KCNQ2: variants seen among roughly 807,000 people sequenced by gnomAD.
KCNQ2 encodes potassium voltage-gated channel subfamily Q member 2.
In KCNQ2, 14 loss-of-function variants were observed where a neutral mutation model predicts 84.8. The ratio of observed to expected loss-of-function variants is 0.17; its 90% CI spans 0.11 to 0.26. KCNQ2 has a LOEUF of 0.26. Ranked by LOEUF, KCNQ2 falls within the 10% of genes least tolerant of loss-of-function variation. The probability of loss-of-function intolerance (pLI) is 1.00; values close to 1 mark genes in which losing one functional copy is unlikely to be tolerated. For missense variants in KCNQ2, 788 were observed against 1,254.0 expected (o/e 0.63, Z 5.61); for synonymous variants, 599 against 554.1 (o/e 1.08, Z -1.14).
chr20:63,424,358 C>A (rs926702634), intron 10 of KCNQ2, 152 bp from the exon 11 acceptor site: 3 of 876,804 alleles, frequency 3.4e-6, no homozygotes, highest in Non-Finnish European at 5.4e-6. Context: ...CTGGCCCACC[C>A]ACCCCAGAGA....
intron 10 of KCNQ2, among the ~76,000 whole-genome samples, chr20:63,426,214 G>A (rs1281562017): frequency 6.6e-6 from 1 of 152,164 alleles, no homozygotes; most frequent in African/African-American, 2.4e-5. Flanking sequence ...AAAACCTCTA[G>A]GGCCTCCTGA....
rs1362811817 is a variant in KCNQ2 at position 63,408,840 on chromosome 20, G to A, written c.1764-304C>T. Among the ~76,000 whole-genome samples the A allele has an allele frequency of 2.6e-5, 4 of 152,122 alleles. No individual in the cohort carries two copies. The highest frequency in any genetic ancestry group is 5.9e-5 in the Non-Finnish European group (4 of 68,010). Reference sequence around the variant, plus strand: ...GCCCGGCTCCTCTCCGTGGGCTCCCGGCTCCATACCGCCCCCTCCAGCCAG... The same window carrying A: ...GCCCGGCTCCTCTCCGTGGGCTCCCAGCTCCATACCGCCCCCTCCAGCCAG... On this transcript the variant is annotated intron_variant, in intron 15 of 16. Coordinates refer to ENST00000359125, the MANE Select transcript of KCNQ2 (RefSeq NM_172107.4). The surrounding 1 kb of genome is among the most constrained non-coding windows in gnomAD (Gnocchi z 5.0).
At chr20:63,451,687 C>G (rs2081619719) in intron 1 of KCNQ2, among the ~76,000 whole-genome samples, 1 of 152,128 alleles carries the variant, frequency 6.6e-6, no homozygotes, top group Admixed American at 6.5e-5. Context: ...GACGGACACC[C>G]CCACGGCTTC....
rs757300058 is a variant in KCNQ2 at position 63,414,912 on chromosome 20, T to G, written c.1516A>C (p.Asn506His). ...FRIKGAASRQ[N>H]SEEASLPGED... The stretch of plus-strand genomic sequence containing the variant: ...ATGCGGCCACACCCACCTTCTGAGT[T>G]CTGCCGTGACGCGGCACCCTTGATG... The change falls in exon 13 of 17, where the codon AAC becomes CAC. Residue 506 changes from asparagine (N) to histidine (H), a missense_variant. By Grantham distance (68) the Asn-to-His change is moderately conservative (BLOSUM62 1). Transcript: ENST00000359125. The surrounding 1 kb of genome is among the most constrained non-coding windows in gnomAD (Gnocchi z 6.6). 1 of 1,612,508 alleles carries G rather than the reference T, an allele frequency of 6.2e-7. No homozygotes were observed. The highest frequency in any genetic ancestry group is 8.5e-7 in the Non-Finnish European group (1 of 1,179,908).
chr20:63,432,267 C>T (rs1383151433), intron 8 of KCNQ2, among the ~76,000 whole-genome samples: 1 of 149,524 alleles, frequency 6.7e-6, no homozygotes, highest in Non-Finnish European at 1.5e-5. Flanking sequence ...AGGCCCCAGC[C>T]TCTGGGAAGT....
intron 1 of KCNQ2, among the ~76,000 whole-genome samples, chr20:63,464,668 G>A (rs1316796219): frequency 6.6e-6 from 1 of 152,148 alleles, no homozygotes; most frequent in Non-Finnish European, 1.5e-5. Context: ...ATGGCCCTGC[G>A]CCCCACACTC....
intron 9 of KCNQ2, among the ~76,000 whole-genome samples, chr20:63,430,359 G>A (rs1053327044): frequency 2.0e-5 from 3 of 152,162 alleles, no homozygotes; most frequent in Non-Finnish European, 4.4e-5. Context: ...CATGTCGGGG[G>A]CAGAGGAGCC....
chr20:63,411,642 TTC>T (rs3838007), intron 15 of KCNQ2: 139,449 of 482,420 alleles, frequency 0.29, 23,586 homozygotes, highest in Non-Finnish European at 0.36. Flanking sequence ...TTGTGGCTTT[TTC>T]AGGAACAGAG....
chr20:63,435,477 G>A (rs538786036), intron 7 of KCNQ2, among the ~76,000 whole-genome samples: 1 of 152,090 alleles, frequency 6.6e-6, no homozygotes, highest in Non-Finnish European at 1.5e-5. Flanking sequence ...AACTCTAACA[G>A]GTGAGGAGCA....
At chr20:63,417,066 C>T (rs1236102154) in intron 12 of KCNQ2, among the ~76,000 whole-genome samples, 1 of 152,182 alleles carries the variant, frequency 6.6e-6, no homozygotes, top group South Asian at 2.1e-4. Flanking sequence ...GGTACAGGCT[C>T]GCTCAGGACC....
chr20:63,446,738 G>A lies in KCNQ2; in HGVS notation c.387+9C>T, dbSNP rs751969586. 21 of 1,611,010 alleles carry A rather than the reference G, an allele frequency of 1.3e-5. No individual in the cohort carries two copies. The highest frequency in any genetic ancestry group is 8.3e-5 in the Admixed American group (5 of 59,970). On this transcript the variant is annotated intron_variant, in intron 2 of 16. Coordinates refer to ENST00000359125, the MANE Select transcript of KCNQ2 (RefSeq NM_172107.4). This position sits in a 1 kb window ranked among gnomAD's most constrained non-coding sequence, Gnocchi z 5.5. ...GCACTTCCAGCCCCCGCCCTCCCTC[G>A]GGGCTCACCAGGATGTAGAGGGCCC...
intron 14 of KCNQ2, 91 bp downstream of exon 14, chr20:63,413,997 T>C (rs1469791699): frequency 2.0e-6 from 2 of 982,268 alleles, no homozygotes; most frequent in Non-Finnish European, 3.3e-6. Flanking sequence ...GGCGGCTCTG[T>C]CCAGCACCAT....
At position 63,447,817 on chromosome 20, in the gene KCNQ2, G is replaced by A. The variant is rs558323529; in HGVS notation, c.297-980C>T. Among the ~76,000 whole-genome samples the A allele has an allele frequency of 3.4e-4, 52 of 152,118 alleles. 2 individuals are homozygous for A. The highest frequency in any genetic ancestry group is 1.3e-3 in the African/African-American group (52 of 41,496). ...TCATCACATTGGCCAGGCTAGTCTC[G>A]AACACCTGGGCTCAAGTGATGCTCC... is the stretch of plus-strand genomic sequence containing the variant. On this transcript the variant is annotated intron_variant, in intron 1 of 16. Transcript: ENST00000359125.
intron 6 of KCNQ2, among the ~76,000 whole-genome samples, chr20:63,439,138 G>C (rs74434764): frequency 0.082 from 12,411 of 152,224 alleles, 1,029 homozygotes; most frequent in East Asian, 0.45. Flanking sequence ...GGACACCGGG[G>C]CCAGCCTCTT....
intron 14 of KCNQ2, 50 bp from the exon 15 acceptor site, chr20:63,413,631 C>T: frequency 6.2e-7 from 1 of 1,610,178 alleles, no homozygotes; most frequent in South Asian, 1.1e-5. Flanking sequence ...GACCCCCGGC[C>T]ACAGGCACCA....
chr20:63,438,543 A>G lies in KCNQ2; in HGVS notation c.1023+82T>C. On this transcript the variant is annotated intron_variant, in intron 7 of 16. Coordinates refer to ENST00000359125, the MANE Select transcript of KCNQ2 (RefSeq NM_172107.4). The surrounding 1 kb of genome is among the most constrained non-coding windows in gnomAD (Gnocchi z 5.1). The stretch of plus-strand genomic sequence containing the variant: ...GCCCATCCACAGACAGGGCAATGCC[A>G]AAGCCCCAGCGGCCTCCACTCCTCA... 2 of 1,196,820 alleles carry G rather than the reference A, an allele frequency of 1.7e-6. No individual in the cohort carries two copies. Among genetic ancestry groups the G allele is most frequent in the East Asian group, 4.7e-5 (2 of 42,992 alleles). 74.1% of individuals were successfully genotyped at this position (1,196,820 alleles called of 1,614,324 possible).
intron 1 of KCNQ2, among the ~76,000 whole-genome samples, chr20:63,454,321 G>C (rs891028731): frequency 1.3e-5 from 2 of 152,350 alleles, no homozygotes; most frequent in Admixed American, 1.3e-4. Context: ...GCAGGCAACA[G>C]CTCCGACTTT....
chr20:63,441,744 G>A (rs2081168156), intron 5 of KCNQ2, among the ~76,000 whole-genome samples: 2 of 152,330 alleles, frequency 1.3e-5, no homozygotes, highest in South Asian at 4.1e-4. Context: ...CCCCGACTGG[G>A]AAGACAGTGT....
rs1237269109 is a variant in KCNQ2, at chr20:63,434,311, G to C, written c.1024-408C>G. 1.5e-5 allele frequency: 3 copies of C among 206,582 alleles called. No homozygotes were observed. The Admixed American group carries it at 1.7e-4, about 12-fold the overall frequency. The allele number at this position is 206,582 out of a possible 1,614,324, so 12.8% of individuals were successfully genotyped here. On this transcript the variant is annotated intron_variant, in intron 7 of 16. Transcript: ENST00000359125. Reference sequence around the variant, plus strand: ...GGCGCTGGGAGTATGGGTAGGGCCAGGGACCTCAGCCTCCAACCTCCCAGG... The same window carrying C: ...GGCGCTGGGAGTATGGGTAGGGCCACGGACCTCAGCCTCCAACCTCCCAGG...
Sources: gnomAD v4.1 joint callset for allele counts (sites outside exome capture counted in the v4.1 genomes callset) on GRCh38, gnomAD v4.1.1 for gene constraint, Gnocchi (gnomAD v3.1) non-coding constraint, MANE v1.5 for transcripts, NCBI Gene and HGNC (gene_info 2026-07-23, HGNC 2026-07-21) for gene names.